REEP1: variants seen among roughly 807,000 people sequenced by gnomAD.
REEP1 encodes receptor expression-enhancing protein 1.
In REEP1, 22 loss-of-function variants were observed where a neutral mutation model predicts 40.3. That is an observed-to-expected ratio of 0.55 (90% confidence interval 0.39 to 0.78). The LOEUF (loss-of-function observed/expected upper bound fraction) is 0.78, where lower values mean the gene tolerates loss of function less well. Ranked by LOEUF, REEP1 falls within the 30% of genes least tolerant of loss-of-function variation. The pLI is 0.00. For synonymous variants in REEP1, 116 were observed against 139.2 expected, an observed-to-expected ratio of 0.83 and a Z score of 1.17; for missense variants, 280 against 361.1, an observed-to-expected ratio of 0.78 and a Z score of 1.82.
In REEP1 at chr2:86,263,977, A is replaced by C; in HGVS notation, c.170T>G (p.Ile57Ser). The C allele has an allele frequency of 1.9e-6, 3 of 1,612,146 alleles. No individual in the cohort carries two copies. Among genetic ancestry groups the C allele is most frequent in the Non-Finnish European group, 2.5e-6 (3 of 1,178,146 alleles). ...CTGGAGTACTTACCAACAAAGGAAG[A>C]TGTCTGTGAATGTCTCTGCTGTGGT... is the stretch of plus-strand genomic sequence containing the variant. Reference protein sequence around the residue: ...LFTTAETFTDIFLCWFPFYYE... With the variant: ...LFTTAETFTDSFLCWFPFYYE... Residue 57 changes from isoleucine (I) to serine (S), a missense_variant, in exon 3 of 9, where the codon ATC becomes AGC. Physicochemically the swap from Ile to Ser is moderately radical, Grantham distance 142. This residue lies in a region of REEP1 where 68 missense variants were observed against 83.7 expected (regional missense o/e 0.81). Transcript: ENST00000538924.
chr2:86,232,051 G>A (rs903592988), intron 6 of REEP1, among the ~76,000 whole-genome samples: 2 of 152,144 alleles, frequency 1.3e-5, no homozygotes, highest in Non-Finnish European at 2.9e-5. Context: ...GTAAGGTCCT[G>A]GTCACCACAG....
chr2:86,332,436 A>AACACACACACACACACACAC (rs55793634), intron 1 of REEP1, among the ~76,000 whole-genome samples: 3 of 136,136 alleles, frequency 2.2e-5, no homozygotes, highest in African/African-American at 8.5e-5. Flanking sequence ...CTTTCCTGGA[A>AACACACACACACACACACAC]ACACACACAC....
chr2:86,325,433 C>T (rs574137225), intron 1 of REEP1, among the ~76,000 whole-genome samples: 130 of 152,048 alleles, frequency 8.5e-4, no homozygotes, highest in Non-Finnish European at 1.3e-3. Flanking sequence ...TCCTAAAACC[C>T]GTGAATGTTA....
At chr2:86,230,379 C>A (rs974618404) in intron 6 of REEP1, among the ~76,000 whole-genome samples, 1 of 152,216 alleles carries the variant, frequency 6.6e-6, no homozygotes, top group Non-Finnish European at 1.5e-5. Flanking sequence ...GGGGCCTCAG[C>A]CCAGTGCACA....
intron 7 of REEP1, among the ~76,000 whole-genome samples, chr2:86,223,233 GC>G (rs1674518174): frequency 6.6e-6 from 1 of 152,202 alleles, no homozygotes; most frequent in Non-Finnish European, 1.5e-5. Context: ...AAATGTGTCA[GC>G]AGGGCTACAG....
At chr2:86,224,305 T>C (rs933358345) in intron 7 of REEP1, among the ~76,000 whole-genome samples, 1 of 152,186 alleles carries the variant, frequency 6.6e-6, no homozygotes, top group African/African-American at 2.4e-5. Flanking sequence ...AGGAGGAAAG[T>C]GTCCCCGACA....
At chr2:86,327,158 T>G (rs1680546206) in intron 1 of REEP1, among the ~76,000 whole-genome samples, 1 of 152,242 alleles carries the variant, frequency 6.6e-6, no homozygotes, top group African/African-American at 2.4e-5. Context: ...GGATTTTTAA[T>G]GTCAACACTT....
intron 4 of REEP1, among the ~76,000 whole-genome samples, chr2:86,254,169 T>C (rs1036780158): frequency 2.4e-4 from 36 of 152,342 alleles, no homozygotes; most frequent in Middle Eastern, 3.4e-3. Flanking sequence ...AATCATTTTT[T>C]TAAAAAAATT....
intron 6 of REEP1, among the ~76,000 whole-genome samples, chr2:86,228,714 T>C (rs953293709): frequency 2.0e-5 from 3 of 152,180 alleles, no homozygotes; most frequent in African/African-American, 7.2e-5. Context: ...CGCCTTGGCC[T>C]CCCAAAGTGC....
chr2:86,277,840 T>C (rs141554353), intron 2 of REEP1, among the ~76,000 whole-genome samples: 2 of 152,350 alleles, frequency 1.3e-5, no homozygotes, highest in Admixed American at 6.5e-5. Context: ...TGCTTTTCAA[T>C]GTCTTTGAGC....
intron 1 of REEP1, among the ~76,000 whole-genome samples, chr2:86,333,671 A>G (rs1254633561): frequency 6.6e-6 from 1 of 152,186 alleles, no homozygotes; most frequent in Non-Finnish European, 1.5e-5. Context: ...CCAAGAAGTC[A>G]CAGAGCAACG....
intron 1 of REEP1, among the ~76,000 whole-genome samples, chr2:86,294,724 T>C (rs1470992151): frequency 5.7e-5 from 1 of 17,628 alleles, no homozygotes; most frequent in Non-Finnish European, 1.3e-4. Context: ...ATTTATATTT[T>C]AGATAGATAG....
chr2:86,256,199 T>G (rs1284135678), intron 3 of REEP1, among the ~76,000 whole-genome samples: 1 of 151,748 alleles, frequency 6.6e-6, no homozygotes, highest in Non-Finnish European at 1.5e-5. Context: ...AATACAAAAA[T>G]TAGCTGGGCA....
chr2:86,270,904 T>TAA (rs58652971), intron 2 of REEP1, among the ~76,000 whole-genome samples: 4 of 149,962 alleles, frequency 2.7e-5, no homozygotes, highest in Non-Finnish European at 5.9e-5. Flanking sequence ...AAAATTTGAT[T>TAA]AAAAAAAAAA....
intron 5 of REEP1, among the ~76,000 whole-genome samples, chr2:86,241,105 AG>A (rs1255045365): frequency 2.0e-5 from 3 of 152,222 alleles, no homozygotes; most frequent in Non-Finnish European, 4.4e-5. Context: ...ATGGGGAGTC[AG>A]GGCCACCAGG....
Position 86,323,962 on chromosome 2 carries a change from GAAAAAAGA to G in REEP1, c.32+13509_32+13516del, listed in dbSNP as rs1438595029. Reference sequence around the variant, plus strand: ...CAGGAAAACTGGCTTTTCATGTGAAGAAAAAAGAAAAAAAGAAAAAAAATTAGACTGCT... The same window carrying G: ...CAGGAAAACTGGCTTTTCATGTGAAGAAAAAAGAAAAAAAATTAGACTGCT... On this transcript the variant is annotated intron_variant, in intron 1 of 8. Coordinates refer to ENST00000538924, the MANE Select transcript of REEP1 (RefSeq NM_001371279.1). Among the ~76,000 whole-genome samples, 4 of 150,746 alleles carry G rather than the reference GAAAAAAGA, an allele frequency of 2.7e-5. No homozygotes were observed. In the East Asian group the frequency reaches 7.8e-4, roughly 29 times the overall value.
intron 1 of REEP1, among the ~76,000 whole-genome samples, chr2:86,282,595 A>G (rs1238196019): frequency 1.3e-5 from 2 of 152,106 alleles, no homozygotes; most frequent in Non-Finnish European, 2.9e-5. Context: ...AGCTCTGTTA[A>G]GCCTGCAAAC....
chr2:86,232,525 G>T, intron 6 of REEP1, 100 bp downstream of exon 6: 1 of 1,419,502 alleles, frequency 7.0e-7, no homozygotes, highest in Non-Finnish European at 9.8e-7. Context: ...GCAGGTCCGT[G>T]GGGCCAGGGC....
intron 5 of REEP1, among the ~76,000 whole-genome samples, chr2:86,233,092 G>T (rs2104057861): frequency 6.6e-6 from 1 of 152,278 alleles, no homozygotes; most frequent in South Asian, 2.1e-4. Flanking sequence ...CGGAGCCTCA[G>T]ACAGACCCAG....
Sources: gnomAD v4.1 joint callset for allele counts (sites outside exome capture counted in the v4.1 genomes callset) on GRCh38, gnomAD v4.1.1 for gene constraint, gnomAD v4.1.1 regional missense constraint, MANE v1.5 for transcripts, NCBI Gene and HGNC (gene_info 2026-07-23, HGNC 2026-07-21) for gene names.